SH3RF3: variants seen among roughly 807,000 people sequenced by gnomAD.
SH3RF3 encodes SH3 domain containing ring finger 3, also known as E3 ubiquitin-protein ligase SH3RF3.
SH3RF3 carries 29 observed loss-of-function variants against 66.3 expected under a neutral mutation model. The ratio of observed to expected loss-of-function variants is 0.44; its 90% CI spans 0.33 to 0.60. SH3RF3 has a LOEUF of 0.60. Among genes scored for constraint, SH3RF3 ranks in the 20% least tolerant of loss-of-function variants. SH3RF3 has a pLI of 0.04. For missense variants in SH3RF3, 1,194 were observed against 1,190.9 expected, an observed-to-expected ratio of 1.00 and a Z score of -0.04; for synonymous variants, 583 against 532.0, an observed-to-expected ratio of 1.10 and a Z score of -1.32.
chr2:109,316,637 G>A (rs192233489), intron 1 of SH3RF3, among the ~76,000 whole-genome samples: 1 of 152,310 alleles, frequency 6.6e-6, no homozygotes, highest in Non-Finnish European at 1.5e-5. Flanking sequence ...GCCCCCATGT[G>A]CAGCCTTTCC....
intron 1 of SH3RF3, among the ~76,000 whole-genome samples, chr2:109,280,680 C>G (rs1230912999): frequency 1.3e-5 from 2 of 152,200 alleles, no homozygotes; most frequent in South Asian, 2.1e-4. Flanking sequence ...TGTAAACAAC[C>G]TTTCTGCTTT....
chr2:109,179,003 A>ATG (rs56236635), intron 1 of SH3RF3, among the ~76,000 whole-genome samples: 3,211 of 142,094 alleles, frequency 0.023, 65 homozygotes, highest in African/African-American at 0.058. Context: ...AAGTATAATA[A>ATG]TGTGTGTGTG....
intron 1 of SH3RF3, among the ~76,000 whole-genome samples, chr2:109,227,575 A>G (rs1265740497): frequency 1.3e-5 from 2 of 151,938 alleles, no homozygotes; most frequent in Non-Finnish European, 2.9e-5. Context: ...TCTCTGGGAG[A>G]TCCCTGGCTC....
At chr2:109,189,838 T>A (rs1202202321) in intron 1 of SH3RF3, among the ~76,000 whole-genome samples, 1 of 152,174 alleles carries the variant, frequency 6.6e-6, no homozygotes, top group African/African-American at 2.4e-5. Flanking sequence ...AAGCCGACAG[T>A]GGCCAGAGAT....
intron 1 of SH3RF3, among the ~76,000 whole-genome samples, chr2:109,266,980 A>G (rs569957523): frequency 3.2e-4 from 48 of 152,304 alleles, no homozygotes; most frequent in South Asian, 2.3e-3. Flanking sequence ...TTAATTTGCA[A>G]ATCTGTGTCT....
At chr2:109,354,458 G>C (rs1353154172) in intron 2 of SH3RF3, among the ~76,000 whole-genome samples, 1 of 152,262 alleles carries the variant, frequency 6.6e-6, no homozygotes, top group Admixed American at 6.5e-5. Context: ...GGCCAGGCAG[G>C]GACTGCTTCT....
At chr2:109,396,947 C>T (rs961663489) in intron 3 of SH3RF3, among the ~76,000 whole-genome samples, 3 of 152,228 alleles carry the variant, frequency 2.0e-5, no homozygotes, top group Admixed American at 6.5e-5. Flanking sequence ...GAATCCTGTA[C>T]GTCCTTCCTG....
chr2:109,212,941 A>T (rs1014062061), intron 1 of SH3RF3, among the ~76,000 whole-genome samples: 1 of 152,182 alleles, frequency 6.6e-6, no homozygotes, highest in Non-Finnish European at 1.5e-5. Flanking sequence ...ATTGGAATAT[A>T]GTGGATGATG....
intron 3 of SH3RF3, among the ~76,000 whole-genome samples, chr2:109,386,141 A>G (rs1431650768): frequency 6.6e-6 from 1 of 152,232 alleles, no homozygotes; most frequent in Non-Finnish European, 1.5e-5. Flanking sequence ...AGAGAGGGTC[A>G]AGGCTGCAAA....
chr2:109,313,896 A>G (rs1486661555), intron 1 of SH3RF3, among the ~76,000 whole-genome samples: 1 of 131,832 alleles, frequency 7.6e-6, no homozygotes, highest in Non-Finnish European at 1.5e-5. Flanking sequence ...TGGAGGAGAT[A>G]TTTGAAAGGT....
At chr2:109,281,361 G>A (rs1680888870) in intron 1 of SH3RF3, among the ~76,000 whole-genome samples, 1 of 152,184 alleles carries the variant, frequency 6.6e-6, no homozygotes, top group Non-Finnish European at 1.5e-5. Context: ...CTACTCTTGG[G>A]ACTTGGAAAG....
chr2:109,341,854 C>T (rs865781437), intron 1 of SH3RF3, among the ~76,000 whole-genome samples: 1 of 152,194 alleles, frequency 6.6e-6, no homozygotes, highest in African/African-American at 2.4e-5. Flanking sequence ...GGGCTGCCTG[C>T]AGGCAAGGCT....
At chr2:109,495,801 A>G (rs1679244631) in intron 9 of SH3RF3, among the ~76,000 whole-genome samples, 2 of 152,056 alleles carry the variant, frequency 1.3e-5, no homozygotes. Context: ...CCCTTTCTTC[A>G]TTTTTATAGT....
intron 2 of SH3RF3, among the ~76,000 whole-genome samples, chr2:109,353,311 GC>G (rs1682878889): frequency 6.6e-6 from 1 of 152,214 alleles, no homozygotes. Context: ...TAGCCTGGGT[GC>G]CCCCACACAT....
chr2:109,170,453 C>G (rs1677751482), intron 1 of SH3RF3, among the ~76,000 whole-genome samples: 1 of 152,070 alleles, frequency 6.6e-6, no homozygotes, highest in South Asian at 2.1e-4. Context: ...TCAAGTGATT[C>G]TCCTGCCTCA....
intron 1 of SH3RF3, among the ~76,000 whole-genome samples, chr2:109,307,462 G>A (rs1226092977): frequency 6.7e-6 from 1 of 149,600 alleles, no homozygotes. Flanking sequence ...TAGGGTACAT[G>A]TGCACATTGT....
intron 1 of SH3RF3, among the ~76,000 whole-genome samples, chr2:109,229,135 C>G (rs1679440373): frequency 6.6e-6 from 1 of 152,206 alleles, no homozygotes; most frequent in African/African-American, 2.4e-5. Context: ...CGCTATCACT[C>G]AGAAAATTAC....
At chr2:109,158,586 C>T (rs991330351) in intron 1 of SH3RF3, among the ~76,000 whole-genome samples, 4 of 152,166 alleles carry the variant, frequency 2.6e-5, no homozygotes, top group African/African-American at 2.4e-5. Flanking sequence ...GTCTTCACCT[C>T]GCTGCCTGGG....
intron 1 of SH3RF3, among the ~76,000 whole-genome samples, chr2:109,308,027 T>G (rs1448839645): frequency 4.8e-5 from 7 of 146,318 alleles, no homozygotes; most frequent in Non-Finnish European, 7.4e-5. Context: ...TGAACTAGTT[T>G]ACAGTCCCAC....
Sources: allele counts gnomAD v4.1 joint callset (sites outside exome capture counted in the v4.1 genomes callset), GRCh38; gene constraint gnomAD v4.1.1; transcripts MANE v1.5; gene names NCBI Gene and HGNC (gene_info 2026-07-23, HGNC 2026-07-21).